KLHL25: variants seen among roughly 807,000 people sequenced by gnomAD.
KLHL25 encodes the protein kelch like family member 25, also known as kelch-like protein 25.
A neutral mutation model predicts 30.0 loss-of-function variants in KLHL25; 41 were observed. The ratio of observed to expected loss-of-function variants is 1.37; its 90% CI spans 1.07 to 1.78. The LOEUF (loss-of-function observed/expected upper bound fraction) is 1.78. Ranked by LOEUF, KLHL25 falls within the 40% of genes most tolerant of loss-of-function variation. KLHL25 has a pLI of 0.00. For missense variants in KLHL25, 971 were observed against 824.5 expected, an observed-to-expected ratio of 1.18 and a Z score of -2.18; for synonymous variants, 399 against 355.3, an observed-to-expected ratio of 1.12 and a Z score of -1.38.
intron 1 of KLHL25, 108 bp from the exon 2 acceptor site, chr15:85,769,928 G>A: frequency 1.1e-6 from 1 of 896,170 alleles, no homozygotes; most frequent in East Asian, 2.7e-5. Context: ...CCCACTCTCT[G>A]CTCACCTCTG....
At chr15:85,787,632 T>A (rs186066017) in intron 1 of KLHL25, among the ~76,000 whole-genome samples, 15 of 152,280 alleles carry the variant, frequency 9.9e-5, no homozygotes, top group Admixed American at 9.2e-4. Context: ...ACAGGGAAAA[T>A]GAGGCATTAC....
chr15:85,776,649 G>C lies in KLHL25; in HGVS notation c.-10-6829C>G, dbSNP rs928522735. ...TTTATTGTGAAAAGATCTGAGGCCG[G>C]GCACGGTGGCTCACGCCTGTAATAC... On this transcript the variant is annotated intron_variant, in intron 1 of 2. Transcript: ENST00000337975. 3.9e-5 allele frequency among the ~76,000 whole-genome samples: 6 copies of C among 152,100 alleles called. No individual in the cohort carries two copies. In the East Asian group the frequency reaches 1.2e-3, roughly 29 times the overall value.
rs139572106 is a variant in KLHL25, at chr15:85,768,297, G to C, written c.1514C>G (p.Ala505Gly). ...FIMGGDTEFT[A>G]ASAYRFDCET... ...ACAGTCAAAGCGGTAGGCCGAGGCG[G>C]CTGTGAATTCCGTGTCACCTCCCAT... The change falls in exon 2 of 3, where the codon GCC becomes GGC. Residue 505 changes from alanine (A) to glycine (G), a missense_variant. Transcript: ENST00000337975. 30 of 1,613,934 alleles carry C rather than the reference G, an allele frequency of 1.9e-5. No homozygotes were observed. Among genetic ancestry groups the C allele is most frequent in the African/African-American group, 2.7e-5 (2 of 74,934 alleles).
chr15:85,779,189 C>G (rs936782407), intron 1 of KLHL25, among the ~76,000 whole-genome samples: 1 of 152,146 alleles, frequency 6.6e-6, no homozygotes, highest in Non-Finnish European at 1.5e-5. Context: ...CAGCACCTGC[C>G]TTTCTGCCCA....
Position 85,768,148 on chromosome 15 carries a change from G to A in KLHL25, c.1663C>T (p.Leu555=), listed in dbSNP as rs926002922. The change falls in exon 2 of 3, where the codon CTG becomes TTG. Residue 555 remains leucine, a synonymous_variant. Transcript: ENST00000337975. ...TCTGAAGTGGGGTCATAGCAGTCCAGAGTCTTACACCTCTGGGTCCCAAAG... is the reference window on the plus strand; with the variant it reads ...TCTGAAGTGGGGTCATAGCAGTCCAAAGTCTTACACCTCTGGGTCCCAAAG... The part of the protein sequence containing the change: ...GYFGTQRCKT[L]DCYDPTSDTW... 3.1e-6 allele frequency: 5 copies of A among 1,614,118 alleles called. No individual in the cohort carries two copies. The African/African-American group carries it at 5.3e-5, about 17-fold the overall frequency.
chr15:85,783,819 AG>A (rs2089761078), intron 1 of KLHL25, among the ~76,000 whole-genome samples: 1 of 152,202 alleles, frequency 6.6e-6, no homozygotes, highest in South Asian at 2.1e-4. Flanking sequence ...GCAGCCTACC[AG>A]GAAGGTTAGA....
At chr15:85,776,118 G>A (rs1200606137) in intron 1 of KLHL25, among the ~76,000 whole-genome samples, 10 of 151,316 alleles carry the variant, frequency 6.6e-5, no homozygotes, top group South Asian at 2.1e-4. Context: ...GGTTGCAGTG[G>A]GCCGAGATCA....
At chr15:85,786,914 G>C (rs112539985) in intron 1 of KLHL25, among the ~76,000 whole-genome samples, 95 of 152,298 alleles carry the variant, frequency 6.2e-4, no homozygotes, top group East Asian at 1.7e-3. Context: ...GCAGCCTAGT[G>C]GGGGGCAGGG....
chr15:85,790,161 C>A (rs2089807239), intron 1 of KLHL25, among the ~76,000 whole-genome samples: 1 of 152,184 alleles, frequency 6.6e-6, no homozygotes, highest in African/African-American at 2.4e-5. Flanking sequence ...GCAATCTCGG[C>A]TCGCTGCAAC....
chr15:85,785,120 GTC>G (rs922303510), intron 1 of KLHL25, among the ~76,000 whole-genome samples: 2 of 141,206 alleles, frequency 1.4e-5, no homozygotes, highest in Admixed American at 7.4e-5. Flanking sequence ...CTGAGACAGT[GTC>G]TCTCTCTGTC....
intron 2 of KLHL25, 63 bp from the exon 3 acceptor site, chr15:85,761,074 T>A (rs568503579): frequency 2.0e-5 from 3 of 152,284 alleles, no homozygotes; most frequent in Non-Finnish European, 2.9e-5. Flanking sequence ...TCTGACCTGA[T>A]CTGGAACAAA....
At chr15:85,787,333 C>T (rs2089787438) in intron 1 of KLHL25, among the ~76,000 whole-genome samples, 2 of 152,088 alleles carry the variant, frequency 1.3e-5, no homozygotes, top group Admixed American at 1.3e-4. Flanking sequence ...GTAATCCCAG[C>T]TACTTGGGAG....
Position 85,768,288 on chromosome 15 carries a change from G to T in KLHL25, c.1523C>A (p.Ala508Asp), listed in dbSNP as rs2089638181. ...GTTGGTCTCACAGTCAAAGCGGTAG[G>T]CCGAGGCGGCTGTGAATTCCGTGTC... is the stretch of plus-strand genomic sequence containing the variant. ...GGDTEFTAAS[A>D]YRFDCETNQW... Residue 508 changes from alanine (A) to aspartate (D), a missense_variant, in exon 2 of 3, where the codon GCC (alanine) becomes GAC (aspartate). By Grantham distance (126) the Ala-to-Asp change is moderately radical. Coordinates refer to ENST00000337975, the MANE Select transcript of KLHL25 (RefSeq NM_022480.4). The T allele has an allele frequency of 1.9e-6, 3 of 1,613,934 alleles. No individual in the cohort carries two copies. Among genetic ancestry groups the T allele is most frequent in the Non-Finnish European group, 2.5e-6 (3 of 1,180,050 alleles).
intron 1 of KLHL25, among the ~76,000 whole-genome samples, chr15:85,771,815 A>G: frequency 6.6e-6 from 1 of 152,162 alleles, no homozygotes; most frequent in Non-Finnish European, 1.5e-5. Flanking sequence ...TTTTCTTGTA[A>G]AGTGAGATCC....
At position 85,789,580 on chromosome 15, in the gene KLHL25, C is replaced by T. The variant is rs2089802900; in HGVS notation, c.-11+5186G>A. ...AAGATCTCCCTTGCTCCTCAAAGCT[C>T]GTTGTCCAACTCTCTGCTGGGAGGT... On this transcript the variant is annotated intron_variant, in intron 1 of 2. Transcript: ENST00000337975. The surrounding 1 kb of genome is among the most constrained non-coding windows in gnomAD (Gnocchi z 4.1). 1.3e-5 allele frequency among the ~76,000 whole-genome samples: 2 copies of T among 152,156 alleles called. No homozygotes were observed. The highest frequency in any genetic ancestry group is 2.9e-5 in the Non-Finnish European group (2 of 68,024).
At chr15:85,774,561 T>C (rs1007983750) in intron 1 of KLHL25, among the ~76,000 whole-genome samples, 8 of 152,150 alleles carry the variant, frequency 5.3e-5, no homozygotes, top group East Asian at 1.9e-4. Context: ...CTGAGAGAAA[T>C]AGGAACCCGG....
At chr15:85,783,382 C>A (rs1430984515) in intron 1 of KLHL25, among the ~76,000 whole-genome samples, 2 of 151,982 alleles carry the variant, frequency 1.3e-5, no homozygotes, top group East Asian at 3.9e-4. Flanking sequence ...GCATGAGCCA[C>A]TGTGCCCAGC....
intron 1 of KLHL25, among the ~76,000 whole-genome samples, chr15:85,786,752 C>T (rs1341858697): frequency 1.3e-5 from 2 of 152,250 alleles, no homozygotes; most frequent in Non-Finnish European, 2.9e-5. Context: ...CCAGCTCCTC[C>T]CCTGGATATG....
chr15:85,780,017 A>C (rs1221897182), intron 1 of KLHL25, among the ~76,000 whole-genome samples: 1 of 152,202 alleles, frequency 6.6e-6, no homozygotes, highest in African/African-American at 2.4e-5. Flanking sequence ...AGCCACACTT[A>C]AACCACCCTG....
Sources: allele counts gnomAD v4.1 joint callset (sites outside exome capture counted in the v4.1 genomes callset), GRCh38; gene constraint gnomAD v4.1.1; non-coding constraint Gnocchi (gnomAD v3.1); transcripts MANE v1.5; gene names NCBI Gene and HGNC (gene_info 2026-07-23, HGNC 2026-07-21).